The following ABCA13 variants were observed in gnomAD, a reference collection of about 807,000 sequenced individuals.
ABCA13 encodes the protein ATP-binding cassette sub-family A member 13.
Under a neutral mutation model 478.7 loss-of-function variants are expected in ABCA13, and 476 were observed. The ratio of observed to expected loss-of-function variants is 0.99; its 90% CI spans 0.92 to 1.07. The LOEUF is 1.07. ABCA13 is among the 50% of genes least tolerant of loss of function. ABCA13 has a pLI of 0.00. For missense variants in ABCA13, 6,060 were observed against 5,910.6 expected, an observed-to-expected ratio of 1.03 and a Z score of -0.83; for synonymous variants, 2,252 against 2,158.9, an observed-to-expected ratio of 1.04 and a Z score of -1.20.
chr7:48,587,928 GAAT>G, intron 57 of ABCA13, among the ~76,000 whole-genome samples: 1 of 152,160 alleles, frequency 6.6e-6, no homozygotes, highest in Non-Finnish European at 1.5e-5. Context: ...GCCATTGAAA[GAAT>G]AAATAAAGGC....
intron 24 of ABCA13, among the ~76,000 whole-genome samples, chr7:48,312,480 C>T (rs1339359878): frequency 1.3e-5 from 2 of 152,082 alleles, no homozygotes; most frequent in African/African-American, 4.8e-5. Context: ...CAGAGCATTT[C>T]AGTTGGTGAT....
rs570975824 is a variant in ABCA13, at chr7:48,547,922, T to C, written c.14354+19577T>C. Among the ~76,000 whole-genome samples the C allele has an allele frequency of 5.9e-5, 9 of 151,978 alleles. 1 individual carries two copies. In the South Asian group the frequency reaches 1.9e-3, roughly 32 times the overall value. ...GTATTTTAAACTTACAATAGGTTTA[T>C]TGGGATGTAACCCCATCCTAAGTTG... is the stretch of plus-strand genomic sequence containing the variant. On this transcript the variant is annotated intron_variant, in intron 55 of 61. Transcript: ENST00000435803.
In ABCA13 at chr7:48,476,631, T is replaced by C. The variant is rs557135585; in HGVS notation, c.12976-4405T>C. 6.4e-4 allele frequency among the ~76,000 whole-genome samples: 98 copies of C among 152,276 alleles called. 1 individual carries two copies. The highest frequency in any genetic ancestry group is 2.3e-3 in the African/African-American group (96 of 41,562). ...GTGAAGAGGCTGACCCCATCGTGGA[T>C]CCTGCCAGGTTATAAACTAATCACA... On this transcript the variant is annotated intron_variant, in intron 45 of 61. Coordinates refer to ENST00000435803, the MANE Select transcript of ABCA13 (RefSeq NM_152701.5).
chr7:48,548,115 T>C (rs1784986463), intron 55 of ABCA13, among the ~76,000 whole-genome samples: 1 of 151,966 alleles, frequency 6.6e-6, no homozygotes, highest in East Asian at 1.9e-4. Context: ...AAATATCTTC[T>C]GTATATAACA....
intron 61 of ABCA13, among the ~76,000 whole-genome samples, chr7:48,645,082 G>T (rs1441856938): frequency 1.3e-5 from 2 of 152,244 alleles, no homozygotes; most frequent in East Asian, 3.9e-4. Context: ...GTAATCAAAT[G>T]ATAGCTAACT....
chr7:48,213,052 T>C (rs1025397622), intron 3 of ABCA13, among the ~76,000 whole-genome samples: 27 of 152,194 alleles, frequency 1.8e-4, no homozygotes, highest in African/African-American at 6.0e-4. Flanking sequence ...TTAATAATTT[T>C]AGCTTTTGTT....
chr7:48,230,223 A>C (rs7779575), intron 7 of ABCA13, among the ~76,000 whole-genome samples: 1 of 152,050 alleles, frequency 6.6e-6, no homozygotes, highest in African/African-American at 2.4e-5. Context: ...TGATTTTAAA[A>C]TTCTTTGACT....
intron 1 of ABCA13, among the ~76,000 whole-genome samples, chr7:48,179,439 T>C (rs905969100): frequency 4.6e-5 from 7 of 152,216 alleles, no homozygotes; most frequent in African/African-American, 1.7e-4. Context: ...CTGCCTGCTG[T>C]CAGCTAAGCC....
chr7:48,535,834 A>G (rs138550053), intron 55 of ABCA13, among the ~76,000 whole-genome samples: 2 of 152,278 alleles, frequency 1.3e-5, no homozygotes, highest in South Asian at 2.1e-4. Context: ...TACAGCCTGC[A>G]GTCCTAAAGA....
chr7:48,268,824 A>T (rs971878705), intron 15 of ABCA13, among the ~76,000 whole-genome samples, 156 bp from the exon 16 acceptor site: 2 of 150,350 alleles, frequency 1.3e-5, no homozygotes, highest in African/African-American at 4.9e-5. Context: ...TGGAAGCACA[A>T]GTCAAATTAG....
At chr7:48,569,850 G>A (rs1458878555) in intron 55 of ABCA13, among the ~76,000 whole-genome samples, 1 of 151,960 alleles carries the variant, frequency 6.6e-6, no homozygotes, top group Non-Finnish European at 1.5e-5. Flanking sequence ...TTGTTTGTTT[G>A]TTTTTTTAAT....
At chr7:48,515,947 A>T (rs1832074021) in intron 51 of ABCA13, among the ~76,000 whole-genome samples, 1 of 152,146 alleles carries the variant, frequency 6.6e-6, no homozygotes, top group South Asian at 2.1e-4. Flanking sequence ...TCTCCAGGCC[A>T]CAGAGCCGAC....
In ABCA13 at chr7:48,273,550, C is replaced by T; in HGVS notation, c.3884C>T (p.Ser1295Leu). 6.3e-7 allele frequency: 1 copy of T among 1,582,760 alleles called. No individual in the cohort carries two copies. The highest frequency in any genetic ancestry group is 8.6e-7 in the Non-Finnish European group (1 of 1,162,440). ...LEVFIEFSST[S>L]EYIVRNLDSI... Reference sequence around the variant, plus strand: ...GTTTTCATTGAGTTTAGCAGTACCTCAGAATATATAGTCAGAAATCTAGAT... The same window carrying T: ...GTTTTCATTGAGTTTAGCAGTACCTTAGAATATATAGTCAGAAATCTAGAT... Residue 1295 changes from serine (S) to leucine (L), a missense_variant, in exon 17 of 62, where the codon TCA becomes TTA. This residue lies in a region of ABCA13 where 4,423 missense variants were observed against 4,309.1 expected (regional missense o/e 1.03). Coordinates refer to ENST00000435803, the MANE Select transcript of ABCA13 (RefSeq NM_152701.5).
At chr7:48,442,564 G>A (rs1040684225) in intron 42 of ABCA13, among the ~76,000 whole-genome samples, 1 of 152,224 alleles carries the variant, frequency 6.6e-6, no homozygotes, top group African/African-American at 2.4e-5. Flanking sequence ...ATAATGTTTA[G>A]TATATATTAA....
Position 48,298,413 on chromosome 7 carries a change from G to A in ABCA13, c.9247G>A (p.Glu3083Lys). Reference protein sequence around the residue: ...LMKNITKLTEELRSSIQISNE... With the variant: ...LMKNITKLTEKLRSSIQISNE... Reference sequence around the variant, plus strand: ...GAAGAATATCACCAAGTTGACTGAGGAGCTTCGCTCTTCCATCCAAATCTC... The same window carrying A: ...GAAGAATATCACCAAGTTGACTGAGAAGCTTCGCTCTTCCATCCAAATCTC... Residue 3083 changes from glutamate to lysine, a missense_variant, in exon 23 of 62, where the codon GAG becomes AAG. By Grantham distance (56) the Glu-to-Lys change is moderately conservative. This residue lies in a region of ABCA13 where 4,423 missense variants were observed against 4,309.1 expected (regional missense o/e 1.03). Transcript: ENST00000435803. 4 of 1,612,660 alleles carry A rather than the reference G, an allele frequency of 2.5e-6. No individual in the cohort carries two copies. The highest frequency in any genetic ancestry group is 3.4e-6 in the Non-Finnish European group (4 of 1,179,130).
chr7:48,487,829 G>A (rs1001345064), intron 47 of ABCA13, among the ~76,000 whole-genome samples: 5 of 152,226 alleles, frequency 3.3e-5, no homozygotes, highest in Non-Finnish European at 5.9e-5. Context: ...ACCCCAAAGG[G>A]TGACAGTACA....
intron 29 of ABCA13, among the ~76,000 whole-genome samples, chr7:48,346,359 T>A (rs1034528054): frequency 3.3e-5 from 5 of 152,216 alleles, no homozygotes; most frequent in Admixed American, 1.3e-4. Flanking sequence ...TCTGCTGTTT[T>A]ATGCAGTTAA....
Position 48,294,441 on chromosome 7 carries a change from T to G in ABCA13, c.8956-1259T>G, listed in dbSNP as rs1232193805. ...TTTCTATGGGTTTTTTTTTTTTTTT[T>G]GTTTTGTTTTTTTTTTGAGACGGAG... On this transcript the variant is annotated intron_variant, in intron 20 of 61. Coordinates refer to ENST00000435803, the MANE Select transcript of ABCA13 (RefSeq NM_152701.5). 3.2e-3 allele frequency among the ~76,000 whole-genome samples: 398 copies of G among 125,758 alleles called. 1 individual carries two copies. Among genetic ancestry groups the G allele is most frequent in the South Asian group, 0.011 (43 of 4,058 alleles). The allele number at this position is 125,758 out of a possible 152,430, so 82.5% of individuals were successfully genotyped here.
intron 59 of ABCA13, among the ~76,000 whole-genome samples, chr7:48,619,027 G>A (rs1792875982): frequency 6.6e-6 from 1 of 152,164 alleles, no homozygotes; most frequent in South Asian, 2.1e-4. Context: ...TAAGGGCAGG[G>A]CCAATCACAT....
Sources: gnomAD v4.1 joint callset for allele counts (sites outside exome capture counted in the v4.1 genomes callset) on GRCh38, gnomAD v4.1.1 for gene constraint, gnomAD v4.1.1 regional missense constraint, MANE v1.5 for transcripts, NCBI Gene and HGNC (gene_info 2026-07-23, HGNC 2026-07-21) for gene names.